FRAS1: variants seen among roughly 807,000 people sequenced by gnomAD.
FRAS1 encodes the protein extracellular matrix organizing protein FRAS1.
A neutral mutation model predicts 435.2 loss-of-function variants in FRAS1; 290 were observed. The observed-to-expected ratio is 0.67, with a 90% CI of 0.61 to 0.73. The LOEUF (loss-of-function observed/expected upper bound fraction) is 0.73. Ranked by LOEUF, FRAS1 falls within the 30% of genes least tolerant of loss-of-function variation. FRAS1 has a pLI of 0.00. For synonymous variants in FRAS1, 1,800 were observed against 1,851.0 expected (o/e 0.97, Z 0.71); for missense variants, 4,860 against 5,001.5 (o/e 0.97, Z 0.85).
At chr4:78,504,605 G>C (rs562440551) in intron 61 of FRAS1, among the ~76,000 whole-genome samples, 14 of 152,146 alleles carry the variant, frequency 9.2e-5, no homozygotes, top group African/African-American at 2.9e-4. Flanking sequence ...TTTATTTTGA[G>C]CATACGTGTG....
intron 2 of FRAS1, among the ~76,000 whole-genome samples, chr4:78,075,061 A>C (rs1196819597): frequency 6.6e-6 from 1 of 152,168 alleles, no homozygotes; most frequent in African/African-American, 2.4e-5. Flanking sequence ...AGAAGACAGA[A>C]CTGAGTTAAA....
At chr4:78,208,465 G>T (rs7438530) in intron 2 of FRAS1, among the ~76,000 whole-genome samples, 45,935 of 151,926 alleles carry the variant, frequency 0.3, 7,560 homozygotes, top group South Asian at 0.53. Context: ...GCCAGAAAAA[G>T]AATTCAGAAT....
chr4:78,415,086 C>G (rs899640700), intron 32 of FRAS1, among the ~76,000 whole-genome samples: 1 of 152,136 alleles, frequency 6.6e-6, no homozygotes, highest in African/African-American at 2.4e-5. Flanking sequence ...TTGCGCTCAC[C>G]CACTTCCTAC....
chr4:78,477,130 T>C (rs576388004), intron 54 of FRAS1, among the ~76,000 whole-genome samples: 6 of 152,314 alleles, frequency 3.9e-5, no homozygotes, highest in African/African-American at 1.2e-4. Flanking sequence ...AAATATCAAG[T>C]TAAAATTAGT....
chr4:78,407,836 T>C lies in FRAS1; in HGVS notation c.4303T>C (p.Phe1435Leu). The change falls in exon 31 of 74, where the codon TTC becomes CTC. Residue 1435 changes from phenylalanine (F) to leucine (L), a missense_variant. Transcript: ENST00000512123. The part of the protein sequence containing the change: ...GAPAQSDSFR[F>L]EVSSASNAQT... The stretch of plus-strand genomic sequence containing the variant: ...CCCAGCCCAGAGCGACTCCTTCCGC[T>C]TCGAGGTACCCTCTGCTTCCTGACT... The C allele has an allele frequency of 6.3e-7, 1 of 1,597,628 alleles. No homozygotes were observed. Among genetic ancestry groups the C allele is most frequent in the Non-Finnish European group, 8.5e-7 (1 of 1,171,272 alleles).
rs985853776 is a variant in FRAS1, at chr4:78,057,885, G to A, written c.-125G>A. Reference sequence around the variant, plus strand: ...CGCCCGTCCATCTCTTTTTCCCGGAGGTAAAGGCCCGCGGTCCCCCACCTT... The same window carrying A: ...CGCCCGTCCATCTCTTTTTCCCGGAAGTAAAGGCCCGCGGTCCCCCACCTT... On this transcript the variant is annotated 5_prime_UTR_variant, in exon 1 of 74. Transcript: ENST00000512123. This position sits in a 1 kb window ranked among gnomAD's most constrained non-coding sequence, Gnocchi z 4.2. The A allele has an allele frequency of 2.5e-6, 2 of 790,244 alleles. No homozygotes were observed. The highest frequency in any genetic ancestry group is 4.2e-6 in the Non-Finnish European group (2 of 478,510). 49.0% of individuals were successfully genotyped at this position (790,244 alleles called of 1,614,324 possible).
intron 34 of FRAS1, 45 bp downstream of exon 34, chr4:78,422,045 G>A (rs777895752): frequency 1.2e-5 from 18 of 1,564,942 alleles, no homozygotes; most frequent in Non-Finnish European, 1.6e-5. Flanking sequence ...TGCTCTCTGT[G>A]GCTCTACATG....
At chr4:78,440,233 C>G (rs1036958131) in intron 40 of FRAS1, among the ~76,000 whole-genome samples, 1 of 151,702 alleles carries the variant, frequency 6.6e-6, no homozygotes, top group Non-Finnish European at 1.5e-5. Context: ...GGGGTTTCAC[C>G]TTGTTAGCCA....
chr4:78,137,220 A>G lies in FRAS1; in HGVS notation c.108+71204A>G, dbSNP rs1032543112. On this transcript the variant is annotated intron_variant, in intron 2 of 73. Coordinates refer to ENST00000512123, the MANE Select transcript of FRAS1 (RefSeq NM_025074.7). ...CAGGTAAGGAAAAGATGCAAACCTT[A>G]TAAGAGTCTAATGCCAGCTCCTACA... Among the ~76,000 whole-genome samples, 9 of 152,296 alleles carry G rather than the reference A, an allele frequency of 5.9e-5. No homozygotes were observed. In the East Asian group the frequency reaches 7.7e-4, roughly 13 times the overall value.
At position 78,057,989 on chromosome 4, in the gene FRAS1, A is replaced by T. The variant is rs752648327; in HGVS notation, c.-21A>T. The T allele has an allele frequency of 5.0e-6, 8 of 1,613,004 alleles. 1 individual carries two copies. In the South Asian group the frequency reaches 8.8e-5, roughly 18 times the overall value. On this transcript the variant is annotated 5_prime_UTR_variant, in exon 1 of 74. Transcript: ENST00000512123. The surrounding 1 kb of genome is among the most constrained non-coding windows in gnomAD (Gnocchi z 4.2). ...TGGATGCTGAAGGCTGGGCTCCTCCATCGTGGGTGCCGAGGCGGCGATGGG... is the reference window on the plus strand; with the variant it reads ...TGGATGCTGAAGGCTGGGCTCCTCCTTCGTGGGTGCCGAGGCGGCGATGGG...
chr4:78,246,339 G>A (rs1048296508), intron 4 of FRAS1, among the ~76,000 whole-genome samples: 1 of 152,122 alleles, frequency 6.6e-6, no homozygotes, highest in South Asian at 2.1e-4. Flanking sequence ...ATTCAGTGTG[G>A]GGACCTAAAA....
At chr4:78,474,100 A>G (rs1295751052) in intron 53 of FRAS1, among the ~76,000 whole-genome samples, 2 of 152,188 alleles carry the variant, frequency 1.3e-5, no homozygotes, top group Non-Finnish European at 2.9e-5. Context: ...TTCACCTTCC[A>G]TCTGTATTCT....
intron 2 of FRAS1, among the ~76,000 whole-genome samples, chr4:78,199,897 A>G (rs116869788): frequency 6.6e-6 from 1 of 152,348 alleles, no homozygotes; most frequent in East Asian, 1.9e-4. Flanking sequence ...AGCCCTAATG[A>G]TGATGGATGA....
intron 2 of FRAS1, among the ~76,000 whole-genome samples, chr4:78,089,554 TC>T (rs1309799759): frequency 6.6e-6 from 1 of 152,190 alleles, no homozygotes; most frequent in Non-Finnish European, 1.5e-5. Flanking sequence ...TGAATTGTTT[TC>T]TCTTTGCACA....
At chr4:78,079,262 C>T (rs1047546572) in intron 2 of FRAS1, among the ~76,000 whole-genome samples, 3 of 151,792 alleles carry the variant, frequency 2.0e-5, no homozygotes, top group African/African-American at 7.3e-5. Flanking sequence ...AGAGAGAGAG[C>T]TTGTAAGTAG....
intron 14 of FRAS1, among the ~76,000 whole-genome samples, chr4:78,306,841 G>T (rs529894724): frequency 6.6e-6 from 1 of 152,058 alleles, no homozygotes; most frequent in African/African-American, 2.4e-5. Context: ...TAATTTGATT[G>T]TCTGAAGCCT....
chr4:78,494,894 A>T (rs1359927104), intron 59 of FRAS1, among the ~76,000 whole-genome samples: 1 of 152,194 alleles, frequency 6.6e-6, no homozygotes, highest in Non-Finnish European at 1.5e-5. Flanking sequence ...GATAAACTAC[A>T]GGACCTGCAT....
At chr4:78,312,714 C>T (rs1365547962) in intron 15 of FRAS1, among the ~76,000 whole-genome samples, 1 of 151,896 alleles carries the variant, frequency 6.6e-6, no homozygotes, top group Non-Finnish European at 1.5e-5. Flanking sequence ...TGCCTGTAGT[C>T]CTAGTTCCTC....
intron 4 of FRAS1, among the ~76,000 whole-genome samples, chr4:78,250,087 A>G (rs573115608): frequency 1.1e-3 from 170 of 152,160 alleles, no homozygotes; most frequent in Non-Finnish European, 1.6e-3. Flanking sequence ...ATTAATTTTG[A>G]CTTTAAGATA....
Sources: allele counts gnomAD v4.1 joint callset (sites outside exome capture counted in the v4.1 genomes callset), GRCh38; gene constraint gnomAD v4.1.1; non-coding constraint Gnocchi (gnomAD v3.1); transcripts MANE v1.5; gene names NCBI Gene and HGNC (gene_info 2026-07-23, HGNC 2026-07-21).